Variants in TMEM132C observed in about 807,000 individuals in gnomAD.
TMEM132C encodes the protein transmembrane protein 132C.
TMEM132C carries 29 observed loss-of-function variants against 61.4 expected under a neutral mutation model. The observed-to-expected ratio is 0.47, with a 90% CI of 0.35 to 0.64. The LOEUF (loss-of-function observed/expected upper bound fraction) is 0.64, where lower values mean the gene tolerates loss of function less well. Ranked by LOEUF, TMEM132C falls within the 30% of genes least tolerant of loss-of-function variation. TMEM132C has a pLI of 0.00. For missense variants in TMEM132C, 1,408 were observed against 1,476.9 expected (o/e 0.95, Z 0.76); for synonymous variants, 656 against 633.1 (o/e 1.04, Z -0.54).
chr12:128,557,035 C>A (rs957310184), intron 3 of TMEM132C, among the ~76,000 whole-genome samples: 1 of 152,190 alleles, frequency 6.6e-6, no homozygotes, highest in African/African-American at 2.4e-5. Flanking sequence ...CAACTACTTG[C>A]CAAGCCCAAC....
At chr12:128,443,605 C>T (rs1210975884) in intron 2 of TMEM132C, among the ~76,000 whole-genome samples, 1 of 152,078 alleles carries the variant, frequency 6.6e-6, no homozygotes, top group Non-Finnish European at 1.5e-5. Context: ...CTCTGGGACC[C>T]ACCTGGATAT....
intron 6 of TMEM132C, among the ~76,000 whole-genome samples, chr12:128,695,275 T>G (rs1954750818): frequency 6.6e-6 from 1 of 152,178 alleles, no homozygotes; most frequent in South Asian, 2.1e-4. Flanking sequence ...ATCCCAGCAC[T>G]TTGGGAGGCC....
chr12:128,440,777 G>A (rs1841026), intron 2 of TMEM132C, among the ~76,000 whole-genome samples: 10,227 of 152,212 alleles, frequency 0.067, 430 homozygotes, highest in Middle Eastern at 0.11. Context: ...AGCCAGGCAC[G>A]TTGGCTCACA....
chr12:128,297,807 C>A (rs1024014845), intron 1 of TMEM132C, among the ~76,000 whole-genome samples: 5 of 152,148 alleles, frequency 3.3e-5, no homozygotes, highest in Admixed American at 6.5e-5. Context: ...CATTTACCTC[C>A]TTAGAGACCC....
chr12:128,427,387 G>GTGTGTGTGTGT (rs1869224289), intron 2 of TMEM132C, among the ~76,000 whole-genome samples: 1 of 132,294 alleles, frequency 7.6e-6, no homozygotes, highest in African/African-American at 3.0e-5. Flanking sequence ...CTTCCAAAGG[G>GTGTGTGTGTGT]GTGTGTGTGT....
At chr12:128,438,760 T>C (rs1338503743) in intron 2 of TMEM132C, 1 of 152,216 alleles carries the variant, frequency 6.6e-6, no homozygotes, top group Non-Finnish European at 1.5e-5. Flanking sequence ...TAGTTACTCA[T>C]CCCTCCTGTC....
At position 128,703,354 on chromosome 12, in the gene TMEM132C, T is replaced by C. The variant is rs567509545; in HGVS notation, c.2122-1736T>C. 2.6e-5 allele frequency among the ~76,000 whole-genome samples: 4 copies of C among 152,308 alleles called. No homozygotes were observed. In the South Asian group the frequency reaches 8.3e-4, roughly 32 times the overall value. ...TGCTGTTCCCCTCTATCTGTCCATG[T>C]GTTCTCATCATTTAGCTCCCACTTA... is the stretch of plus-strand genomic sequence containing the variant. On this transcript the variant is annotated intron_variant, in intron 8 of 8. Coordinates refer to ENST00000435159, the MANE Select transcript of TMEM132C (RefSeq NM_001136103.3).
At position 128,415,795 on chromosome 12, in the gene TMEM132C, T is replaced by C. The variant is rs1409755668; in HGVS notation, c.974+175T>C. On this transcript the variant is annotated intron_variant, in intron 2 of 8. Coordinates refer to ENST00000435159, the MANE Select transcript of TMEM132C (RefSeq NM_001136103.3). This position sits in a 1 kb window ranked among gnomAD's most constrained non-coding sequence, Gnocchi z 5.8. ...GCCCACATGCTCTCAACAGCCCTCCTTACACCGTGGGTTATGGAGGGAAGA... is the reference window on the plus strand; with the variant it reads ...GCCCACATGCTCTCAACAGCCCTCCCTACACCGTGGGTTATGGAGGGAAGA... Among the ~76,000 whole-genome samples, 2 of 152,042 alleles carry C rather than the reference T, an allele frequency of 1.3e-5. No individual in the cohort carries two copies. The highest frequency in any genetic ancestry group is 2.9e-5 in the Non-Finnish European group (2 of 68,014).
chr12:128,594,587 G>A (rs1474177906), intron 3 of TMEM132C, among the ~76,000 whole-genome samples: 8 of 152,122 alleles, frequency 5.3e-5, no homozygotes, highest in African/African-American at 9.7e-5. Flanking sequence ...AGCAAGGCTC[G>A]GAATTGGAGA....
chr12:128,314,755 TC>T (rs1379245403), intron 1 of TMEM132C, among the ~76,000 whole-genome samples: 1 of 152,012 alleles, frequency 6.6e-6, no homozygotes, highest in East Asian at 1.9e-4. Context: ...GCACAGATGC[TC>T]CCTCGTGGCT....
intron 2 of TMEM132C, among the ~76,000 whole-genome samples, chr12:128,433,120 T>C (rs974286392): frequency 6.6e-6 from 1 of 152,198 alleles, no homozygotes; most frequent in Non-Finnish European, 1.5e-5. Flanking sequence ...TGTACATTAT[T>C]TTTAGACACC....
At chr12:128,367,200 G>A (rs971052702) in intron 1 of TMEM132C, among the ~76,000 whole-genome samples, 9 of 152,324 alleles carry the variant, frequency 5.9e-5, no homozygotes, top group Middle Eastern at 3.4e-3. Context: ...TTCAAGGCAG[G>A]AGCTTGGAGG....
chr12:128,493,781 C>T (rs1871838029), intron 2 of TMEM132C, among the ~76,000 whole-genome samples: 1 of 152,202 alleles, frequency 6.6e-6, no homozygotes, highest in African/African-American at 2.4e-5. Context: ...GGTATACAAT[C>T]ATGTCATCTG....
intron 2 of TMEM132C, among the ~76,000 whole-genome samples, chr12:128,416,758 A>G (rs1219028176): frequency 6.6e-6 from 1 of 152,200 alleles, no homozygotes; most frequent in Non-Finnish European, 1.5e-5. Flanking sequence ...TGAAGTATGC[A>G]TCTTGTCATG....
intron 2 of TMEM132C, among the ~76,000 whole-genome samples, chr12:128,523,962 A>G (rs1443195896): frequency 1.3e-5 from 2 of 151,166 alleles, no homozygotes; most frequent in African/African-American, 4.9e-5. Flanking sequence ...GCAGTGAGCC[A>G]GGATTGTGCC....
intron 1 of TMEM132C, among the ~76,000 whole-genome samples, chr12:128,301,848 T>C (rs556366927): frequency 1.2e-4 from 19 of 152,324 alleles, no homozygotes; most frequent in African/African-American, 3.8e-4. Flanking sequence ...CGCAGTTCCA[T>C]GTGGCTGGGG....
chr12:128,481,435 C>T (rs1361787484), intron 2 of TMEM132C, among the ~76,000 whole-genome samples: 1 of 152,216 alleles, frequency 6.6e-6, no homozygotes. Flanking sequence ...GTCCAGAGTG[C>T]AGGAAACCTT....
intron 1 of TMEM132C, among the ~76,000 whole-genome samples, chr12:128,287,509 A>G (rs999723984): frequency 6.6e-6 from 1 of 151,760 alleles, no homozygotes; most frequent in Admixed American, 6.6e-5. Flanking sequence ...ATCTATATCT[A>G]TATCTATATC....
chr12:128,502,654 T>G (rs1872222988), intron 2 of TMEM132C, among the ~76,000 whole-genome samples: 1 of 152,148 alleles, frequency 6.6e-6, no homozygotes, highest in African/African-American at 2.4e-5. Context: ...AGAGGAAGAT[T>G]CACATAAGTG....
Sources: allele counts gnomAD v4.1 joint callset (sites outside exome capture counted in the v4.1 genomes callset), GRCh38; gene constraint gnomAD v4.1.1; non-coding constraint Gnocchi (gnomAD v3.1); transcripts MANE v1.5; gene names NCBI Gene and HGNC (gene_info 2026-07-23, HGNC 2026-07-21).